PPP1R42: variants seen among roughly 807,000 people sequenced by gnomAD.
PPP1R42 encodes the protein leucine rich repeat containing 67.
Under a neutral mutation model 31.0 loss-of-function variants are expected in PPP1R42, and 34 were observed. That is an observed-to-expected ratio of 1.10 (90% confidence interval 0.83 to 1.46). PPP1R42 has a LOEUF of 1.46. Ranked by LOEUF, PPP1R42 falls within the 40% of genes most tolerant of loss-of-function variation. The probability of loss-of-function intolerance (pLI) is 0.00; values close to 1 mark genes in which losing one functional copy is unlikely to be tolerated. For synonymous variants in PPP1R42, 103 were observed against 109.8 expected (o/e 0.94, Z 0.39); for missense variants, 268 against 303.0 (o/e 0.88, Z 0.86).
intron 6 of PPP1R42, chr8:66,984,156 TTCACTC>T (rs1814931029): frequency 4.4e-6 from 7 of 1,592,918 alleles, no homozygotes; most frequent in Non-Finnish European, 5.2e-6. Flanking sequence ...TCTACACAGA[TTCACTC>T]AGCGCAAGGT....
intron 1 of PPP1R42, among the ~76,000 whole-genome samples, chr8:67,026,443 C>T (rs192863186): frequency 6.6e-6 from 1 of 152,266 alleles, no homozygotes; most frequent in Admixed American, 6.5e-5. Context: ...GTTTGTACAG[C>T]TTTTCCTTGG....
chr8:67,020,037 C>T (rs1240157694), intron 1 of PPP1R42, among the ~76,000 whole-genome samples: 1 of 152,134 alleles, frequency 6.6e-6, no homozygotes, highest in Non-Finnish European at 1.5e-5. Flanking sequence ...TGTCTGAAAT[C>T]CCTAAATCAG....
chr8:67,013,362 A>G (rs1265334612), intron 3 of PPP1R42, among the ~76,000 whole-genome samples: 1 of 151,742 alleles, frequency 6.6e-6, no homozygotes, highest in African/African-American at 2.4e-5. Context: ...GTTGCCTAAC[A>G]TATGAAAAGC....
rs572842174 is a variant in PPP1R42 at position 67,026,338 on chromosome 8, C to CAA, written c.-85+2151_-85+2152dup. On this transcript the variant is annotated intron_variant, in intron 1 of 7. Transcript: ENST00000685739. Reference sequence around the variant, plus strand: ...GGGCAACAAGAGTGAAACTCCATCTCAAAAAAAAAAAGAAAAAAGAAAATG... The same window carrying CAA: ...GGGCAACAAGAGTGAAACTCCATCTCAAAAAAAAAAAAAGAAAAAAGAAAATG... Among the ~76,000 whole-genome samples the CAA allele has an allele frequency of 8.3e-3, 1,148 of 138,116 alleles. 13 individuals are homozygous for CAA. The highest frequency in any genetic ancestry group is 0.029 in the African/African-American group (1,093 of 38,086). 90.6% of individuals were successfully genotyped at this position (138,116 alleles called of 152,430 possible).
intron 5 of PPP1R42, among the ~76,000 whole-genome samples, chr8:66,991,526 T>C (rs1157915230): frequency 6.6e-6 from 1 of 152,206 alleles, no homozygotes; most frequent in East Asian, 1.9e-4. Flanking sequence ...TTCTCTTCAG[T>C]GGTTGACCTT....
chr8:67,014,631 C>G, intron 2 of PPP1R42, 39 bp from the exon 3 acceptor site: 1 of 1,420,630 alleles, frequency 7.0e-7, no homozygotes. Context: ...GTAATTTCTC[C>G]TGAAAACTTA....
intron 1 of PPP1R42, among the ~76,000 whole-genome samples, chr8:67,023,320 G>A (rs1262310961): frequency 6.6e-6 from 1 of 151,950 alleles, no homozygotes; most frequent in Non-Finnish European, 1.5e-5. Context: ...CAAGTTGCCA[G>A]GGGAATTTCA....
intron 4 of PPP1R42, among the ~76,000 whole-genome samples, chr8:67,011,483 C>T (rs1445241353): frequency 1.3e-5 from 2 of 152,100 alleles, no homozygotes; most frequent in African/African-American, 2.4e-5. Flanking sequence ...GCAGAGATCA[C>T]GCCTGGGCGA....
In PPP1R42 at chr8:67,012,964, A is replaced by G. The variant is rs1815888451; in HGVS notation, c.429T>C (p.Ser143=). The change falls in exon 4 of 8, where the codon TCT becomes TCC. Residue 143 remains serine, a synonymous_variant. Transcript: ENST00000685739. ...KLLFDPRTLH[S]LAKSLCILNI... is the part of the protein sequence containing the mutation. Reference sequence around the variant, plus strand: ...TATTCAAATGTGAACTTACTGCCAGAGAATGAAGAGTTCTTGGATCAAACA... The same window carrying G: ...TATTCAAATGTGAACTTACTGCCAGGGAATGAAGAGTTCTTGGATCAAACA... 5.0e-6 allele frequency: 8 copies of G among 1,596,360 alleles called. No homozygotes were observed. The highest frequency in any genetic ancestry group is 6.8e-6 in the Non-Finnish European group (8 of 1,175,374).
At chr8:66,970,602 A>G (rs1222548307) in intron 7 of PPP1R42, among the ~76,000 whole-genome samples, 1 of 152,176 alleles carries the variant, frequency 6.6e-6, no homozygotes. Context: ...CTGCAACCAT[A>G]TGCTCTGAAG....
At chr8:67,025,306 C>G (rs1213950136) in intron 1 of PPP1R42, among the ~76,000 whole-genome samples, 1 of 150,610 alleles carries the variant, frequency 6.6e-6, no homozygotes, top group Non-Finnish European at 1.5e-5. Context: ...CAGACAGGGT[C>G]TCATTATGTT....
At chr8:66,965,120 C>T (rs1814343701) in intron 7 of PPP1R42, among the ~76,000 whole-genome samples, 1 of 152,088 alleles carries the variant, frequency 6.6e-6, no homozygotes, top group East Asian at 1.9e-4. Context: ...CTAGTTCATT[C>T]CTTTGTATTG....
At chr8:67,020,266 G>C (rs112585877) in intron 1 of PPP1R42, among the ~76,000 whole-genome samples, 5,286 of 152,064 alleles carry the variant, frequency 0.035, 189 homozygotes, top group African/African-American at 0.079. Context: ...GCAATGGCGC[G>C]ATCTCGGCTC....
intron 7 of PPP1R42, among the ~76,000 whole-genome samples, chr8:66,966,571 A>G (rs1336554556): frequency 6.6e-5 from 10 of 151,862 alleles, no homozygotes; most frequent in African/African-American, 2.4e-4. Context: ...GGATCACGAG[A>G]TCAGGAGATC....
At chr8:66,985,272 G>C in intron 6 of PPP1R42, 1 of 957,556 alleles carries the variant, frequency 1.0e-6, no homozygotes, top group Admixed American at 1.9e-5. Flanking sequence ...GCTGGGAAGC[G>C]ACAGTGGAGA....
chr8:66,999,523 A>AT, intron 5 of PPP1R42, among the ~76,000 whole-genome samples: 1 of 151,804 alleles, frequency 6.6e-6, no homozygotes, highest in Admixed American at 6.6e-5. Context: ...TAATTTTTGT[A>AT]TTTTTTGTAG....
chr8:67,023,116 T>G (rs1277590326), intron 1 of PPP1R42, among the ~76,000 whole-genome samples: 1 of 129,686 alleles, frequency 7.7e-6, no homozygotes, highest in Non-Finnish European at 1.5e-5. Flanking sequence ...TTGTTTTGTT[T>G]TGTTTTTTCA....
At chr8:66,971,183 A>C in intron 7 of PPP1R42, 1 of 1,404,544 alleles carries the variant, frequency 7.1e-7, no homozygotes, top group Non-Finnish European at 9.3e-7. Flanking sequence ...TTTGAAATTA[A>C]TAACTAAATT....
chr8:67,012,650 A>C (rs949086906), intron 4 of PPP1R42, among the ~76,000 whole-genome samples: 7 of 152,224 alleles, frequency 4.6e-5, no homozygotes, highest in Non-Finnish European at 7.3e-5. Context: ...AGCCATGATA[A>C]TCACCAAGGT....
Sources: allele counts gnomAD v4.1 joint callset (sites outside exome capture counted in the v4.1 genomes callset), GRCh38; gene constraint gnomAD v4.1.1; transcripts MANE v1.5; gene names NCBI Gene and HGNC (gene_info 2026-07-23, HGNC 2026-07-21).